Variants in ABTB3 observed in about 807,000 individuals in gnomAD.
ABTB3 encodes ankyrin repeat and BTB domain containing 3, also known as ankyrin repeat- and BTB/POZ domain-containing protein 3.
At chr12:107,551,409 A>G in the ABTB3 span, among the ~76,000 whole-genome samples, 1 of 152,204 alleles carries the variant, frequency 6.6e-6, no homozygotes, top group Admixed American at 6.5e-5. Context: ...ATCCATTTGT[A>G]ACTTGAGCAT....
At chr12:107,520,219 C>T in the ABTB3 span, 1 of 985,352 alleles carries the variant, frequency 1.0e-6, no homozygotes, top group Non-Finnish European at 1.2e-6. Flanking sequence ...GGAGAGGATT[C>T]TGTTTTGTGT....
At chr12:107,442,731 C>T in the ABTB3 span, among the ~76,000 whole-genome samples, 2 of 152,194 alleles carry the variant, frequency 1.3e-5, no homozygotes, top group East Asian at 1.9e-4. Context: ...TAAGGAGCTT[C>T]GAGGAGGAAA....
chr12:107,434,041 T>C, the ABTB3 span, among the ~76,000 whole-genome samples: 2 of 152,172 alleles, frequency 1.3e-5, no homozygotes, highest in Admixed American at 1.3e-4. Flanking sequence ...TGCTAAAGGC[T>C]CCATCTCCTC....
chr12:107,388,666 C>T, the ABTB3 span, among the ~76,000 whole-genome samples: 1 of 152,224 alleles, frequency 6.6e-6, no homozygotes, highest in South Asian at 2.1e-4. Context: ...CCTTGAAGGC[C>T]CATGCAGGGG....
the ABTB3 span, among the ~76,000 whole-genome samples, chr12:107,561,690 C>T: frequency 6.6e-6 from 1 of 152,118 alleles, no homozygotes; most frequent in Non-Finnish European, 1.5e-5. Context: ...GTTAATAAAT[C>T]GGGAACCAGT....
chr12:107,348,686 C>T, the ABTB3 span, among the ~76,000 whole-genome samples: 2 of 152,200 alleles, frequency 1.3e-5, no homozygotes, highest in African/African-American at 4.8e-5. Context: ...GATTGTGCCA[C>T]TGCACTCCAG....
chr12:107,605,646 G>C, the ABTB3 span, among the ~76,000 whole-genome samples: 2 of 152,232 alleles, frequency 1.3e-5, no homozygotes, highest in Admixed American at 6.5e-5. Context: ...GGCAGTGGAA[G>C]GTTTTAAGCA....
chr12:107,653,518 A>G, the ABTB3 span, among the ~76,000 whole-genome samples: 9 of 146,038 alleles, frequency 6.2e-5, no homozygotes, highest in African/African-American at 2.3e-4. Flanking sequence ...CTCTGTCTCA[A>G]AAAAAAAAAA....
the ABTB3 span, among the ~76,000 whole-genome samples, chr12:107,541,641 T>C: frequency 2.0e-5 from 3 of 152,258 alleles, no homozygotes; most frequent in Non-Finnish European, 2.9e-5. Context: ...CTTCAATTAA[T>C]TGATGAGGCT....
chr12:107,463,704 C>T, the ABTB3 span, among the ~76,000 whole-genome samples: 55 of 152,324 alleles, frequency 3.6e-4, no homozygotes, highest in African/African-American at 1.3e-3. Flanking sequence ...GTATCTCCAT[C>T]GCACCAGGCA....
the ABTB3 span, among the ~76,000 whole-genome samples, chr12:107,391,457 TA>T: frequency 4.6e-5 from 7 of 152,106 alleles, no homozygotes; most frequent in Non-Finnish European, 8.8e-5. Context: ...AGAGCACTTG[TA>T]GAGGGAATGA....
chr12:107,475,007 T>A, the ABTB3 span, among the ~76,000 whole-genome samples: 1 of 152,154 alleles, frequency 6.6e-6, no homozygotes, highest in Non-Finnish European at 1.5e-5. Flanking sequence ...ACTGTCCTCC[T>A]GGTTTCTTTG....
At chr12:107,627,964 G>A in the ABTB3 span, among the ~76,000 whole-genome samples, 2 of 152,184 alleles carry the variant, frequency 1.3e-5, no homozygotes, top group Non-Finnish European at 2.9e-5. Flanking sequence ...GTAGATGTGC[G>A]ACTGCACAAT....
chr12:107,533,414 G>A, the ABTB3 span, among the ~76,000 whole-genome samples: 1 of 152,102 alleles, frequency 6.6e-6, no homozygotes, highest in African/African-American at 2.4e-5. Context: ...TAGACTGAAA[G>A]TGAAGGAATG....
At chr12:107,346,406 C>T in the ABTB3 span, among the ~76,000 whole-genome samples, 1 of 152,194 alleles carries the variant, frequency 6.6e-6, no homozygotes, top group African/African-American at 2.4e-5. Flanking sequence ...CTAGCTATAG[C>T]TCTTCGTTAC....
the ABTB3 span, chr12:107,642,026 G>GT: frequency 6.7e-7 from 1 of 1,489,058 alleles, no homozygotes; most frequent in African/African-American, 1.4e-5. Flanking sequence ...GGAGAGCAGA[G>GT]TTTTTTGTGA....
chr12:107,336,845 T>A, the ABTB3 span, among the ~76,000 whole-genome samples: 1 of 152,220 alleles, frequency 6.6e-6, no homozygotes, highest in African/African-American at 2.4e-5. Flanking sequence ...CAGAGTATAG[T>A]ATGTCCTGAA....
At chr12:107,521,950 A>C in the ABTB3 span, among the ~76,000 whole-genome samples, 1 of 152,090 alleles carries the variant, frequency 6.6e-6, no homozygotes, top group Non-Finnish European at 1.5e-5. Context: ...CTATAATGAA[A>C]TACCATATAC....
chr12:107,633,605 C>T, the ABTB3 span, among the ~76,000 whole-genome samples: 2 of 152,154 alleles, frequency 1.3e-5, no homozygotes, highest in African/African-American at 4.8e-5. Context: ...AATGCAGATT[C>T]TGATTCAGTG....
Sources: allele counts gnomAD v4.1 joint callset (sites outside exome capture counted in the v4.1 genomes callset), GRCh38; gene constraint gnomAD v4.1.1; transcripts MANE v1.5; gene names NCBI Gene and HGNC (gene_info 2026-07-23, HGNC 2026-07-21).